TTBK2: variants seen among roughly 807,000 people sequenced by gnomAD.
TTBK2 encodes the protein tau-tubulin kinase 2.
TTBK2 carries 28 observed loss-of-function variants against 110.8 expected under a neutral mutation model. The ratio of observed to expected loss-of-function variants is 0.25; its 90% confidence interval spans 0.19 to 0.35. The LOEUF is 0.35. Ranked by LOEUF, TTBK2 falls within the 10% of genes least tolerant of loss-of-function variation. The pLI, the probability that TTBK2 is intolerant of heterozygous loss-of-function variation, is 1.00. For synonymous variants in TTBK2, 532 were observed against 527.3 expected, an observed-to-expected ratio of 1.01 and a Z score of -0.12; for missense variants, 1,369 against 1,500.3, an observed-to-expected ratio of 0.91 and a Z score of 1.45.
chr15:42,899,596 C>T (rs928326160), intron 1 of TTBK2, among the ~76,000 whole-genome samples: 20 of 152,020 alleles, frequency 1.3e-4, no homozygotes, highest in Admixed American at 6.6e-4. Flanking sequence ...AGAAATTAGC[C>T]GGGCGTGGTG....
At chr15:42,912,784 T>C (rs1443179880) in intron 1 of TTBK2, among the ~76,000 whole-genome samples, 4 of 152,052 alleles carry the variant, frequency 2.6e-5, no homozygotes, top group African/African-American at 9.7e-5. Context: ...GAAACAAGTT[T>C]ACAAAGAGTA....
chr15:42,780,734 G>A (rs1395132791), intron 11 of TTBK2, among the ~76,000 whole-genome samples: 1 of 152,156 alleles, frequency 6.6e-6, no homozygotes. Context: ...GGGAGGCTGA[G>A]GCGGACAAAT....
intron 3 of TTBK2, among the ~76,000 whole-genome samples, chr15:42,868,310 C>T (rs916578396): frequency 6.6e-5 from 10 of 152,126 alleles, no homozygotes; most frequent in African/African-American, 2.4e-4. Flanking sequence ...CGTCCAGGCC[C>T]ACAGAATGTT....
intron 5 of TTBK2, among the ~76,000 whole-genome samples, chr15:42,828,498 G>A (rs898640205): frequency 1.3e-5 from 2 of 151,322 alleles, no homozygotes; most frequent in African/African-American, 2.4e-5. Flanking sequence ...GGTGGATCAC[G>A]AGGTCAGGAG....
intron 1 of TTBK2, among the ~76,000 whole-genome samples, chr15:42,889,984 T>G (rs1210600733): frequency 1.3e-5 from 2 of 152,214 alleles, no homozygotes; most frequent in African/African-American, 4.8e-5. Flanking sequence ...GCCCAAGCTA[T>G]GCCACCATAT....
Position 42,743,793 on chromosome 15 carries a change from T to C in TTBK2, c.*2002A>G, listed in dbSNP as rs1251698111. The C allele has an allele frequency of 6.6e-6, 1 of 152,158 alleles. No individual in the cohort carries two copies. The highest frequency in any genetic ancestry group is 1.5e-5 in the Non-Finnish European group (1 of 68,020). 9.4% of individuals were successfully genotyped at this position (152,158 alleles called of 1,614,324 possible). On this transcript the variant is annotated 3_prime_UTR_variant, in exon 15 of 15. Coordinates refer to ENST00000267890, the MANE Select transcript of TTBK2 (RefSeq NM_173500.4). The stretch of plus-strand genomic sequence containing the variant: ...TTGTTAAATACTGCCCACCCTTGCA[T>C]TGTACACAGGGAAGGCAAGAAGACT...
intron 9 of TTBK2, among the ~76,000 whole-genome samples, chr15:42,797,097 C>T (rs1233489871): frequency 6.6e-6 from 1 of 152,182 alleles, no homozygotes; most frequent in East Asian, 1.9e-4. Flanking sequence ...AGACCTTTGA[C>T]CCTCTCTCCT....
At position 42,893,711 on chromosome 15, in the gene TTBK2, A is replaced by G. The variant is rs1022802484; in HGVS notation, c.-67-15027T>C. Reference sequence around the variant, plus strand: ...GACCAAAAGCCAGCTCTTTATAAAGATCAATACAATTTATAACCTTTTAGG... The same window carrying G: ...GACCAAAAGCCAGCTCTTTATAAAGGTCAATACAATTTATAACCTTTTAGG... On this transcript the variant is annotated intron_variant, in intron 1 of 14. Transcript: ENST00000267890. Among the ~76,000 whole-genome samples the G allele has an allele frequency of 6.6e-5, 10 of 152,118 alleles. No homozygotes were observed. The East Asian group carries it at 1.9e-3, about 29-fold the overall frequency.
chr15:42,875,922 A>AG (rs2141126024), intron 2 of TTBK2, among the ~76,000 whole-genome samples: 1 of 151,016 alleles, frequency 6.6e-6, no homozygotes, highest in South Asian at 2.1e-4. Context: ...AAAAAAAAAA[A>AG]AAAAAGAAAT....
chr15:42,918,221 G>T (rs1021967718), intron 1 of TTBK2, among the ~76,000 whole-genome samples: 6 of 152,030 alleles, frequency 3.9e-5, no homozygotes. Context: ...GAGCCACCAT[G>T]CCCGGCTAAA....
Position 42,801,382 on chromosome 15 carries a change from C to A in TTBK2, c.823-6581G>T. On this transcript the variant is annotated intron_variant, in intron 9 of 14. Transcript: ENST00000267890. Reference sequence around the variant, plus strand: ...AGCTTGGCATTGGCATCCTTAATGGCTAGCTCCCCACGCTGCTCGGTATCT... The same window carrying A: ...AGCTTGGCATTGGCATCCTTAATGGATAGCTCCCCACGCTGCTCGGTATCT... 2.2e-6 allele frequency: 3 copies of A among 1,359,254 alleles called. 1 individual carries two copies. The highest frequency in any genetic ancestry group is 3.2e-6 in the Non-Finnish European group (3 of 949,374). The allele number at this position is 1,359,254 out of a possible 1,614,324, so 84.2% of individuals were successfully genotyped here.
chr15:42,755,513 CACCTA>C (rs1449197281), intron 13 of TTBK2, among the ~76,000 whole-genome samples: 1 of 151,506 alleles, frequency 6.6e-6, no homozygotes, highest in East Asian at 1.9e-4. Context: ...GGAAAAAAAA[CACCTA>C]ACTAATGTCC....
In TTBK2 at chr15:42,874,926, C is replaced by G. The variant is rs1026571537; in HGVS notation, c.70-2168G>C. 3.3e-5 allele frequency among the ~76,000 whole-genome samples: 5 copies of G among 149,566 alleles called. No individual in the cohort carries two copies. The Admixed American group carries it at 3.3e-4, about 10-fold the overall frequency. ...GCTTGAACCTGGGAGGCAGAGGTTG[C>G]AGTGAGCCAAGATCACACCATTGCA... On this transcript the variant is annotated intron_variant, in intron 2 of 14. Coordinates refer to ENST00000267890, the MANE Select transcript of TTBK2 (RefSeq NM_173500.4).
intron 3 of TTBK2, among the ~76,000 whole-genome samples, chr15:42,871,257 A>G (rs922780504): frequency 1.7e-4 from 26 of 152,214 alleles, no homozygotes; most frequent in African/African-American, 5.8e-4. Flanking sequence ...TAGGAAAAAT[A>G]TATTAGTTAA....
chr15:42,917,684 C>CA (rs145784296), intron 1 of TTBK2, among the ~76,000 whole-genome samples: 4,284 of 111,648 alleles, frequency 0.038, 92 homozygotes, highest in Non-Finnish European at 0.056. Flanking sequence ...TGCTGGATGA[C>CA]AAAAAAAAAA....
intron 1 of TTBK2, among the ~76,000 whole-genome samples, chr15:42,905,463 C>A (rs2030334933): frequency 6.6e-6 from 1 of 151,704 alleles, no homozygotes; most frequent in African/African-American, 2.4e-5. Flanking sequence ...TGCCATATTG[C>A]CCAGGCTGGT....
intron 14 of TTBK2, among the ~76,000 whole-genome samples, chr15:42,746,793 G>C (rs979804066): frequency 2.6e-5 from 4 of 151,898 alleles, no homozygotes; most frequent in Non-Finnish European, 4.4e-5. Flanking sequence ...GCAACAGGAG[G>C]AACTACAGAT....
chr15:42,825,103 C>A (rs888064341), intron 6 of TTBK2, among the ~76,000 whole-genome samples: 6 of 151,720 alleles, frequency 4.0e-5, no homozygotes, highest in Admixed American at 6.6e-5. Context: ...AGAACAAGAC[C>A]CTGTCTCTTT....
chr15:42,744,587 C>G lies in TTBK2; in HGVS notation c.*1208G>C, dbSNP rs995736107. ...ATTAGAACAAATATCTTCCTCTTTA[C>G]AGCTTCGTAAATTGAGATTGTATGA... On this transcript the variant is annotated 3_prime_UTR_variant, in exon 15 of 15. Transcript: ENST00000267890. 7.2e-5 allele frequency: 11 copies of G among 152,172 alleles called. No homozygotes were observed. The highest frequency in any genetic ancestry group is 7.2e-4 in the Admixed American group (11 of 15,264). The allele number at this position is 152,172 out of a possible 1,614,324, so 9.4% of individuals were successfully genotyped here. A position where few individuals can be genotyped will look rare whatever the true frequency, so the allele number is the denominator to read the frequency against.
Sources: gnomAD v4.1 joint callset for allele counts (sites outside exome capture counted in the v4.1 genomes callset) on GRCh38, gnomAD v4.1.1 for gene constraint, MANE v1.5 for transcripts, NCBI Gene and HGNC (gene_info 2026-07-23, HGNC 2026-07-21) for gene names.